Variants in C5 observed in about 807,000 individuals in gnomAD.
C5 encodes complement C5.
In C5, 140 loss-of-function variants were observed where a neutral mutation model predicts 218.8. That is an observed-to-expected ratio of 0.64 (90% CI 0.56 to 0.74). The LOEUF (loss-of-function observed/expected upper bound fraction) is 0.74, where lower values mean the gene tolerates loss of function less well. Among genes scored for constraint, C5 ranks in the 30% least tolerant of loss-of-function variants. The pLI is 0.00. For synonymous variants in C5, 614 were observed against 682.3 expected, an observed-to-expected ratio of 0.90 and a Z score of 1.56; for missense variants, 1,700 against 1,969.6, an observed-to-expected ratio of 0.86 and a Z score of 2.59.
chr9:121,048,825 A>G (rs908195975), intron 1 of C5, among the ~76,000 whole-genome samples: 2 of 152,136 alleles, frequency 1.3e-5, no homozygotes, highest in African/African-American at 4.8e-5. Context: ...TTCCTCAAAT[A>G]TTTGCATGGT....
In C5 at chr9:120,952,793, T is replaced by G; in HGVS notation, c.4977A>C (p.Ala1659=). The G allele has an allele frequency of 2.5e-6, 4 of 1,613,998 alleles. No homozygotes were observed. The highest frequency in any genetic ancestry group is 3.4e-6 in the Non-Finnish European group (4 of 1,179,916). The part of the protein sequence containing the change: ...PRDTTCSSCQ[A]FLANLDEFAE... ...CAAATTCATCTAAATTAGCTAAAAA[T>G]GCTTGACACGATGAACATGTTGTGT... The change falls in exon 41 of 41, where the codon GCA becomes GCC. Residue 1659 remains alanine (A), a synonymous_variant. Coordinates refer to ENST00000223642, the MANE Select transcript of C5 (RefSeq NM_001735.3).
intron 23 of C5, 67 bp downstream of exon 23, chr9:120,991,124 A>C: frequency 2.1e-6 from 2 of 937,564 alleles, no homozygotes. Flanking sequence ...AATAATCATG[A>C]GGATATTTGA....
At position 120,989,717 on chromosome 9, in the gene C5, T is replaced by C. The variant is rs1187158818; in HGVS notation, c.3005A>G (p.His1002Arg). The C allele has an allele frequency of 1.2e-6, 2 of 1,613,868 alleles. No homozygotes were observed. The highest frequency in any genetic ancestry group is 2.7e-5 in the African/African-American group (2 of 74,948). Residue 1002 changes from histidine (H) to arginine (R), a missense_variant, in exon 24 of 41, where the codon CAC becomes CGC. Transcript: ENST00000223642. The stretch of plus-strand genomic sequence containing the variant: ...CGCCTCTGCACTCCCTTTGGGGAGG[T>C]GGGTTAGGATATTGATGCCTTCCTG... ...LSQEGINILT[H>R]LPKGSAEAEL...
chr9:121,032,501 C>G (rs896811153), intron 5 of C5, among the ~76,000 whole-genome samples: 3 of 152,046 alleles, frequency 2.0e-5, no homozygotes, highest in African/African-American at 7.2e-5. Context: ...TTTATTTAAT[C>G]TTGGAGCCTA....
intron 20 of C5, chr9:120,999,899 A>G: frequency 2.2e-6 from 1 of 451,716 alleles, no homozygotes; most frequent in South Asian, 1.6e-5. Context: ...ACACTTTAAA[A>G]TGCTGTCAAG....
In C5 at chr9:120,989,766, C is replaced by T. The variant is rs1341989867; in HGVS notation, c.2956G>A (p.Glu986Lys). The change falls in exon 24 of 41, where the codon GAG becomes AAG. Residue 986 changes from glutamate to lysine, a missense_variant. Coordinates refer to ENST00000223642, the MANE Select transcript of C5 (RefSeq NM_001735.3). ...ILSVKGLLVG[E>K]ILSAVLSQEG... ...TGACTTAGAACTGCAGACAAGATCT[C>T]ACCTACAAGCAGTCCTGAAACAAAA... The T allele has an allele frequency of 6.2e-7, 1 of 1,613,920 alleles. No homozygotes were observed. Among genetic ancestry groups the T allele is most frequent in the Non-Finnish European group, 8.5e-7 (1 of 1,179,864 alleles).
In C5 at chr9:120,980,269, A is replaced by G. The variant is rs145339763; in HGVS notation, c.3487-15T>C. On this transcript the variant is annotated splice_polypyrimidine_tract_variant and intron_variant, in intron 27 of 40. Coordinates refer to ENST00000223642, the MANE Select transcript of C5 (RefSeq NM_001735.3). ...GTGTCGATTTTCTGGAAACAAGAGA[A>G]GATACTTCAGTTTCTATGTCAAGCA... 48 of 1,613,002 alleles carry G rather than the reference A, an allele frequency of 3.0e-5. No homozygotes were observed. Among genetic ancestry groups the G allele is most frequent in the Non-Finnish European group, 4.0e-5 (47 of 1,178,936 alleles).
the C5 span, among the ~76,000 whole-genome samples, chr9:121,058,593 C>A: frequency 6.6e-6 from 1 of 152,138 alleles, no homozygotes; most frequent in Non-Finnish European, 1.5e-5. Context: ...GGTGAGCCAC[C>A]ATGCCTGGCT....
intron 4 of C5, among the ~76,000 whole-genome samples, chr9:121,037,544 C>T (rs1490518225): frequency 1.3e-5 from 2 of 152,066 alleles, no homozygotes; most frequent in South Asian, 2.1e-4. Flanking sequence ...ATCTCCTGAC[C>T]TCGTGATCCA....
intron 33 of C5, among the ~76,000 whole-genome samples, chr9:120,967,361 AGGC>A (rs1008069246): frequency 3.3e-5 from 5 of 152,120 alleles, no homozygotes; most frequent in Middle Eastern, 3.4e-3. Context: ...AGCATTTGGC[AGGC>A]GACTTTATCT....
chr9:120,955,229 T>C (rs2046776216), intron 39 of C5, among the ~76,000 whole-genome samples: 1 of 152,154 alleles, frequency 6.6e-6, no homozygotes, highest in Non-Finnish European at 1.5e-5. Context: ...ATTTATGTGT[T>C]AAAAATGGGC....
At position 120,969,083 on chromosome 9, in the gene C5, T is replaced by C. The variant is rs2046890747; in HGVS notation, c.4198A>G (p.Lys1400Glu). 1 of 1,613,950 alleles carries C rather than the reference T, an allele frequency of 6.2e-7. No individual in the cohort carries two copies. The highest frequency in any genetic ancestry group is 8.5e-7 in the Non-Finnish European group (1 of 1,179,930). The change falls in exon 33 of 41, where the codon AAA becomes GAA. Residue 1400 changes from lysine (K) to glutamate (E), a missense_variant. Physicochemically the swap from Lys to Glu is moderately conservative, Grantham distance 56. Coordinates refer to ENST00000223642, the MANE Select transcript of C5 (RefSeq NM_001735.3). The stretch of plus-strand genomic sequence containing the variant: ...CACCTGGCACATGCTACTATGCGTT[T>C]GTAATCAGAGTTTCCGTAGCCTCTG... Reference protein sequence around the residue: ...HYRGYGNSDYKRIVACASYKP... With the variant: ...HYRGYGNSDYERIVACASYKP...
At chr9:121,056,827 G>T in the C5 span, among the ~76,000 whole-genome samples, 1 of 152,108 alleles carries the variant, frequency 6.6e-6, no homozygotes. Context: ...TCAAGGAAAT[G>T]ATAACAGACA....
chr9:120,954,878 C>T (rs2046773709), intron 39 of C5, among the ~76,000 whole-genome samples: 4 of 152,140 alleles, frequency 2.6e-5, no homozygotes, highest in Admixed American at 2.6e-4. Context: ...CCTATTACGT[C>T]AATATCTGAG....
In C5 at chr9:121,043,297, G is replaced by T. The variant is rs1270734827; in HGVS notation, c.259-131C>A. Reference sequence around the variant, plus strand: ...TGTAATCATTTAAAAAGTGATACAGGAGCAAGAAGAGTAAATAAATTTTGC... The same window carrying T: ...TGTAATCATTTAAAAAGTGATACAGTAGCAAGAAGAGTAAATAAATTTTGC... On this transcript the variant is annotated intron_variant, in intron 2 of 40. Coordinates refer to ENST00000223642, the MANE Select transcript of C5 (RefSeq NM_001735.3). 4.0e-6 allele frequency: 3 copies of T among 752,946 alleles called. No individual in the cohort carries two copies. In the African/African-American group the frequency reaches 5.3e-5, roughly 13 times the overall value. The allele number at this position is 752,946 out of a possible 1,614,324, so 46.6% of individuals were successfully genotyped here.
chr9:121,014,052 G>A lies in C5; in HGVS notation c.2078C>T (p.Ser693Leu), dbSNP rs767324134. Residue 693 changes from serine to leucine, a missense_variant, in exon 17 of 41, where the codon TCA (serine) becomes TTA (leucine). Transcript: ENST00000223642. ...IEEIAAKYKH[S>L]VVKKCCYDGA... is the part of the protein sequence containing the mutation. ...ATCGTAACAACATTTCTTCACTACT[G>A]AATGTTTATATTTAGCAGCTGAAAT... The A allele has an allele frequency of 2.5e-6, 4 of 1,613,920 alleles. No individual in the cohort carries two copies. Among genetic ancestry groups the A allele is most frequent in the Non-Finnish European group, 2.5e-6 (3 of 1,179,850 alleles).
chr9:121,013,860 A>G lies in C5; in HGVS notation c.2257+13T>C. On this transcript the variant is annotated intron_variant, in intron 17 of 40. Transcript: ENST00000223642. Reference sequence around the variant, plus strand: ...ATATTGAGCAGAATTCTGATAGAAAATGTCATACTTACGTAGCCTTCCCAA... The same window carrying G: ...ATATTGAGCAGAATTCTGATAGAAAGTGTCATACTTACGTAGCCTTCCCAA... The G allele has an allele frequency of 6.2e-7, 1 of 1,611,142 alleles. No individual in the cohort carries two copies. The highest frequency in any genetic ancestry group is 1.3e-5 in the African/African-American group (1 of 74,990).
intron 20 of C5, among the ~76,000 whole-genome samples, chr9:121,002,822 C>G (rs1273359706): frequency 6.6e-6 from 1 of 152,060 alleles, no homozygotes; most frequent in East Asian, 1.9e-4. Flanking sequence ...GCTTCTTAAT[C>G]AAGGTCCTTC....
At position 121,013,950 on chromosome 9, in the gene C5, G is replaced by C; in HGVS notation, c.2180C>G (p.Ala727Gly). 6.2e-7 allele frequency: 1 copy of C among 1,614,150 alleles called. No homozygotes were observed. The highest frequency in any genetic ancestry group is 8.5e-7 in the Non-Finnish European group (1 of 1,180,012). The change falls in exon 17 of 41, where the codon GCT (alanine) becomes GGT (glycine). Residue 727 changes from alanine (A) to glycine (G), a missense_variant. Ala to Gly is a moderately conservative substitution (Grantham distance 60, BLOSUM62 0). Transcript: ENST00000223642. Reference sequence around the variant, plus strand: ...TGCGACGACACAACATTCAGTGAAAGCTTTGATGCATCTTGGCCCTAAACT... The same window carrying C: ...TGCGACGACACAACATTCAGTGAAACCTTTGATGCATCTTGGCCCTAAACT... ...RISLGPRCIKAFTECCVVASQ... is the reference protein window; with the variant it reads ...RISLGPRCIKGFTECCVVASQ...
Sources: allele counts gnomAD v4.1 joint callset (sites outside exome capture counted in the v4.1 genomes callset), GRCh38; gene constraint gnomAD v4.1.1; transcripts MANE v1.5; gene names NCBI Gene and HGNC (gene_info 2026-07-23, HGNC 2026-07-21).